EML1: variants seen among roughly 807,000 people sequenced by gnomAD.
EML1 encodes EMAP like 1, also known as echinoderm microtubule-associated protein-like 1.
In EML1, 27 loss-of-function variants were observed where a neutral mutation model predicts 110.4. The observed-to-expected ratio is 0.24, with a 90% CI of 0.18 to 0.34. EML1 has a LOEUF of 0.34. Ranked by LOEUF, EML1 falls within the 10% of genes least tolerant of loss-of-function variation. EML1 has a pLI of 1.00. For synonymous variants in EML1, 344 were observed against 385.8 expected (o/e 0.89, Z 1.27); for missense variants, 741 against 1,030.9 (o/e 0.72, Z 3.85).
chr14:99,844,279 G>T lies in EML1; in HGVS notation c.68-6574G>T, dbSNP rs570617027. ...GCGGATCACAAGGTCAGGGGTTCAA[G>T]ACCAACCTGGCCCACATAGCGAAAC... On this transcript the variant is annotated intron_variant, in intron 1 of 21. Coordinates refer to ENST00000262233, the MANE Select transcript of EML1 (RefSeq NM_004434.3). Among the ~76,000 whole-genome samples, 13 of 152,222 alleles carry T rather than the reference G, an allele frequency of 8.5e-5. 1 individual carries two copies. In the South Asian group the frequency reaches 2.7e-3, roughly 32 times the overall value.
At chr14:99,799,002 A>G (rs2057827247) in intron 1 of EML1, among the ~76,000 whole-genome samples, 1 of 152,170 alleles carries the variant, frequency 6.6e-6, no homozygotes, top group Non-Finnish European at 1.5e-5. Flanking sequence ...ATTGTGGTTA[A>G]TAGCCTTTTT....
At chr14:99,832,170 A>G (rs531867201) in intron 1 of EML1, among the ~76,000 whole-genome samples, 2 of 152,136 alleles carry the variant, frequency 1.3e-5, no homozygotes, top group Admixed American at 6.5e-5. Context: ...ACCCAGCACA[A>G]TTTTGATATT....
intron 4 of EML1, among the ~76,000 whole-genome samples, chr14:99,884,618 C>T (rs2059443625): frequency 6.6e-6 from 1 of 152,184 alleles, no homozygotes; most frequent in Non-Finnish European, 1.5e-5. Flanking sequence ...GCCCTTAACT[C>T]ATGAATAGGC....
intron 1 of EML1, among the ~76,000 whole-genome samples, chr14:99,826,499 C>T (rs2058361100): frequency 6.6e-6 from 1 of 152,104 alleles, no homozygotes; most frequent in African/African-American, 2.4e-5. Context: ...GAATTCTAGT[C>T]TTGCCAACTC....
At chr14:99,823,105 G>C (rs73356290) in intron 1 of EML1, among the ~76,000 whole-genome samples, 5,152 of 152,274 alleles carry the variant, frequency 0.034, 299 homozygotes, top group African/African-American at 0.11. Context: ...TCTGGTTTGA[G>C]ATGCGTGATC....
chr14:99,856,808 A>G (rs1489408567), intron 2 of EML1, among the ~76,000 whole-genome samples: 1 of 152,220 alleles, frequency 6.6e-6, no homozygotes, highest in East Asian at 1.9e-4. Flanking sequence ...TAGAAAGAAG[A>G]GTACCTTTTA....
At chr14:99,855,424 G>A (rs2058885759) in intron 2 of EML1, among the ~76,000 whole-genome samples, 1 of 152,178 alleles carries the variant, frequency 6.6e-6, no homozygotes, top group South Asian at 2.1e-4. Context: ...AGGAGGCCAG[G>A]GGTTTACTCA....
chr14:99,825,159 T>C (rs1200381823), intron 1 of EML1, among the ~76,000 whole-genome samples: 1 of 152,042 alleles, frequency 6.6e-6, no homozygotes, highest in Non-Finnish European at 1.5e-5. Context: ...AGTTTTTGTA[T>C]TGTTTTGTAG....
intron 17 of EML1, among the ~76,000 whole-genome samples, chr14:99,923,573 A>T (rs531849383): frequency 2.6e-5 from 4 of 152,382 alleles, no homozygotes; most frequent in South Asian, 4.1e-4. Context: ...TGAATTATCA[A>T]TGACACTTTT....
At chr14:99,922,734 G>A (rs1364197319) in intron 17 of EML1, among the ~76,000 whole-genome samples, 2 of 152,114 alleles carry the variant, frequency 1.3e-5, no homozygotes, top group East Asian at 1.9e-4. Context: ...TTTCCCTAAT[G>A]ACTATTGATA....
In EML1 at chr14:99,900,993, T is replaced by C. The variant is rs773065255; in HGVS notation, c.962T>C (p.Ile321Thr). 6.2e-7 allele frequency: 1 copy of C among 1,614,202 alleles called. No individual in the cohort carries two copies. The highest frequency in any genetic ancestry group is 8.5e-7 in the Non-Finnish European group (1 of 1,180,028). ...VTLNTLHVIG[I>T]GFFDRAVTCI... Reference sequence around the variant, plus strand: ...TTGAATACTCTCCACGTCATTGGAATAGGTTTTTTTGACCGAGCAGTCACC... The same window carrying C: ...TTGAATACTCTCCACGTCATTGGAACAGGTTTTTTTGACCGAGCAGTCACC... Residue 321 changes from isoleucine (I) to threonine (T), a missense_variant, in exon 9 of 22, where the codon ATA becomes ACA. Physicochemically the swap from Ile to Thr is moderately conservative, Grantham distance 89 (BLOSUM62 -1). Around this residue, in one of 4 missense-constraint regions of EML1, gnomAD observed 388 missense variants for 605.6 expected, o/e 0.64. Coordinates refer to ENST00000262233, the MANE Select transcript of EML1 (RefSeq NM_004434.3).
chr14:99,849,135 G>A (rs960343942), intron 1 of EML1, among the ~76,000 whole-genome samples: 4 of 152,128 alleles, frequency 2.6e-5, no homozygotes, highest in African/African-American at 4.8e-5. Flanking sequence ...ACTTTCATTA[G>A]CATTTCTTGC....
intron 3 of EML1, among the ~76,000 whole-genome samples, chr14:99,870,694 G>A (rs925417653): frequency 6.6e-6 from 1 of 152,172 alleles, no homozygotes; most frequent in African/African-American, 2.4e-5. Context: ...CTCTGCCTGT[G>A]CTCTATAAAT....
chr14:99,825,260 A>C (rs2058333446), intron 1 of EML1, among the ~76,000 whole-genome samples: 1 of 152,208 alleles, frequency 6.6e-6, no homozygotes, highest in African/African-American at 2.4e-5. Flanking sequence ...TGCTGGGATT[A>C]CAAGTATGAG....
At chr14:99,865,490 T>A (rs1278054604) in intron 2 of EML1, 24 bp from the exon 3 acceptor site, 2 of 1,612,762 alleles carry the variant, frequency 1.2e-6, no homozygotes, top group African/African-American at 2.7e-5. Flanking sequence ...AACTTTCTGA[T>A]ATTATTTTCT....
intron 1 of EML1, among the ~76,000 whole-genome samples, chr14:99,838,130 A>C (rs907957718): frequency 6.6e-6 from 1 of 152,146 alleles, no homozygotes; most frequent in South Asian, 2.1e-4. Context: ...TTTTATCTCA[A>C]TTATTAAAGG....
At chr14:99,750,959 C>T (rs947214286) in intron 1 of EML1, among the ~76,000 whole-genome samples, 12 of 152,140 alleles carry the variant, frequency 7.9e-5, no homozygotes, top group African/African-American at 2.9e-4. Flanking sequence ...CCTCGCCTTC[C>T]ACCTCCAGGC....
intron 1 of EML1, among the ~76,000 whole-genome samples, chr14:99,756,928 C>A (rs896708021): frequency 6.6e-6 from 1 of 152,232 alleles, no homozygotes; most frequent in Non-Finnish European, 1.5e-5. Context: ...GACTCACATC[C>A]ACAAGGATGC....
chr14:99,750,641 T>C (rs2057165363), intron 1 of EML1, among the ~76,000 whole-genome samples: 1 of 152,160 alleles, frequency 6.6e-6, no homozygotes, highest in Non-Finnish European at 1.5e-5. Flanking sequence ...GGGTGGGCTT[T>C]CATTTTAGGT....
Sources: allele counts gnomAD v4.1 joint callset (sites outside exome capture counted in the v4.1 genomes callset), GRCh38; gene constraint gnomAD v4.1.1; regional missense constraint gnomAD v4.1.1; transcripts MANE v1.5; gene names NCBI Gene and HGNC (gene_info 2026-07-23, HGNC 2026-07-21).